Variants in PHLDB2 observed in about 807,000 individuals in gnomAD.
PHLDB2 encodes the protein pleckstrin homology like domain family B member 2.
A neutral mutation model predicts 123.6 loss-of-function variants in PHLDB2; 71 were observed. The observed-to-expected ratio is 0.57, with a 90% CI of 0.47 to 0.70. The LOEUF is 0.70. Ranked by LOEUF, PHLDB2 falls within the 30% of genes least tolerant of loss-of-function variation. The pLI, the probability that PHLDB2 is intolerant of heterozygous loss-of-function variation, is 0.00. For synonymous variants in PHLDB2, 547 were observed against 541.6 expected, an observed-to-expected ratio of 1.01 and a Z score of -0.14; for missense variants, 1,446 against 1,519.5, an observed-to-expected ratio of 0.95 and a Z score of 0.80.
rs548855870 is a variant in PHLDB2, at chr3:111,901,521, A to G, written c.1336-11798A>G. On this transcript the variant is annotated intron_variant, in intron 2 of 17. Coordinates refer to ENST00000431670, the MANE Select transcript of PHLDB2 (RefSeq NM_001134438.2). ...CTGGTTTCTTTATGCATTAAAAAAA[A>G]TCTTATTTTTTAAAGGATAGGATAT... 3.5e-3 allele frequency among the ~76,000 whole-genome samples: 424 copies of G among 119,610 alleles called. 3 individuals carry two copies. The highest frequency in any genetic ancestry group is 0.012 in the African/African-American group (418 of 36,316). 78.5% of individuals were successfully genotyped at this position (119,610 alleles called of 152,430 possible).
intron 12 of PHLDB2, among the ~76,000 whole-genome samples, chr3:111,955,199 C>T (rs1278446732): frequency 6.8e-6 from 1 of 147,722 alleles, no homozygotes; most frequent in Non-Finnish European, 1.5e-5. Context: ...TTACTAAAGG[C>T]GATTTAAAAA....
chr3:111,884,664 C>A lies in PHLDB2; in HGVS notation c.587C>A (p.Ser196Ter), dbSNP rs746275580. Reference protein sequence around the residue: ...SDAGPPPISRSGAASMPSSPK... With the variant: ...SDAGPPPISR ...GCTGGCCCGCCTCCTATCAGCAGAT[C>A]GGGAGCCGCAAGCATGCCTTCAAGC... The change falls in exon 2 of 18, where the codon TCG becomes TAG. Residue 196 changes from serine (S) to a stop codon, truncating the protein, a stop_gained. Coordinates refer to ENST00000431670, the MANE Select transcript of PHLDB2 (RefSeq NM_001134438.2). LOFTEE classifies it high-confidence loss of function. The A allele has an allele frequency of 3.1e-6, 5 of 1,613,966 alleles. No individual in the cohort carries two copies. Among genetic ancestry groups the A allele is most frequent in the Non-Finnish European group, 4.2e-6 (5 of 1,180,030 alleles).
chr3:111,765,714 T>C (rs571519932), intron 1 of PHLDB2, among the ~76,000 whole-genome samples: 2 of 152,286 alleles, frequency 1.3e-5, no homozygotes, highest in African/African-American at 4.8e-5. Flanking sequence ...ACATCAGGGC[T>C]TGAAGTGAAG....
chr3:111,836,287 A>G (rs1435693011), intron 1 of PHLDB2, among the ~76,000 whole-genome samples: 1 of 152,204 alleles, frequency 6.6e-6, no homozygotes, highest in Non-Finnish European at 1.5e-5. Context: ...GTTCACCTTT[A>G]AGTCCCCAAC....
chr3:111,953,994 T>G lies in PHLDB2; in HGVS notation c.2837T>G (p.Met946Arg). Residue 946 changes from methionine (M) to arginine (R), a missense_variant, in exon 12 of 18, where the codon ATG becomes AGG. This residue lies in a region of PHLDB2 where 594 missense variants were observed against 646.0 expected (regional missense o/e 0.92). Transcript: ENST00000431670. Reference protein sequence around the residue: ...GSVLPPSLAAMAKDSESRRML... With the variant: ...GSVLPPSLAARAKDSESRRML... The stretch of plus-strand genomic sequence containing the variant: ...GTGCTCCCTCCCTCACTGGCAGCCA[T>G]GGCCAAAGACTCAGAATCTCGGAGG... The G allele has an allele frequency of 6.2e-7, 1 of 1,613,658 alleles. No homozygotes were observed. The highest frequency in any genetic ancestry group is 8.5e-7 in the Non-Finnish European group (1 of 1,179,766).
chr3:111,806,037 G>A (rs2061572475), intron 1 of PHLDB2, among the ~76,000 whole-genome samples: 1 of 151,262 alleles, frequency 6.6e-6, no homozygotes, highest in Admixed American at 6.6e-5. Context: ...TAAAAAAACA[G>A]GTCAAAATGT....
At chr3:111,933,431 C>T (rs1007186375) in intron 6 of PHLDB2, among the ~76,000 whole-genome samples, 10 of 152,250 alleles carry the variant, frequency 6.6e-5, no homozygotes, top group Non-Finnish European at 1.0e-4. Context: ...CCTCTGAGAA[C>T]GTCACTAGGT....
rs547450913 is a variant in PHLDB2 at position 111,911,533 on chromosome 3, C to CT, written c.1336-1785dup. ...AGGCTATGTCCCCCCTGCTTCCTCC[C>CT]TATAAAGCTGAGGTGGGCAGGGCTT... On this transcript the variant is annotated intron_variant, in intron 2 of 17. Coordinates refer to ENST00000431670, the MANE Select transcript of PHLDB2 (RefSeq NM_001134438.2). 2,778 of 1,225,186 alleles carry CT rather than the reference C, an allele frequency of 2.3e-3. 4 individuals are homozygous for CT. Among genetic ancestry groups the CT allele is most frequent in the Non-Finnish European group, 2.9e-3 (2,540 of 868,978 alleles). The allele number at this position is 1,225,186 out of a possible 1,614,324, so 75.9% of individuals were successfully genotyped here.
intron 1 of PHLDB2, among the ~76,000 whole-genome samples, chr3:111,831,804 G>C (rs1005379754): frequency 6.6e-6 from 1 of 152,060 alleles, no homozygotes; most frequent in East Asian, 1.9e-4. Context: ...GTTTAAGGTG[G>C]GAATAGGCAA....
chr3:111,754,549 G>T (rs2059848211), intron 1 of PHLDB2, among the ~76,000 whole-genome samples: 1 of 113,756 alleles, frequency 8.8e-6, no homozygotes. Context: ...GGAGATTTTG[G>T]GCTGAGACAA....
intron 5 of PHLDB2, among the ~76,000 whole-genome samples, chr3:111,930,078 AT>A (rs757234108): frequency 4.1e-3 from 577 of 140,546 alleles, no homozygotes; most frequent in Non-Finnish European, 3.7e-3. Context: ...TGCCCAGCTA[AT>A]TTTTTTTTTT....
At chr3:111,769,995 G>A (rs764014687) in intron 1 of PHLDB2, among the ~76,000 whole-genome samples, 38 of 152,284 alleles carry the variant, frequency 2.5e-4, no homozygotes, top group Middle Eastern at 6.8e-3. Context: ...ACTTTTTAGC[G>A]TCTCAGATAA....
At chr3:111,832,777 A>G (rs867253451) in intron 1 of PHLDB2, among the ~76,000 whole-genome samples, 3 of 24,290 alleles carry the variant, frequency 1.2e-4, no homozygotes, top group Admixed American at 7.9e-4. Context: ...TATATATAAT[A>G]GAATTATACA....
intron 17 of PHLDB2, among the ~76,000 whole-genome samples, chr3:111,974,191 C>A (rs1330302020): frequency 2.0e-5 from 3 of 152,152 alleles, no homozygotes; most frequent in Non-Finnish European, 4.4e-5. Context: ...TAGAGCTTTA[C>A]AAACTAGCTG....
At chr3:111,827,737 G>T (rs964270828) in intron 1 of PHLDB2, among the ~76,000 whole-genome samples, 1 of 150,356 alleles carries the variant, frequency 6.7e-6, no homozygotes, top group Non-Finnish European at 1.5e-5. Context: ...GAGCAACTCG[G>T]TTCAGACTGT....
intron 12 of PHLDB2, chr3:111,957,472 T>G (rs1182705752): frequency 6.6e-6 from 1 of 152,360 alleles, no homozygotes; most frequent in Non-Finnish European, 1.5e-5. Context: ...ATGACCCTCT[T>G]TGTTTTGGCT....
At chr3:111,928,727 A>G (rs1052358279) in intron 5 of PHLDB2, among the ~76,000 whole-genome samples, 5 of 152,234 alleles carry the variant, frequency 3.3e-5, no homozygotes, top group South Asian at 2.1e-4. Context: ...GTGGAACTCT[A>G]GAAACGTCAG....
chr3:111,836,486 G>A (rs1475990529), intron 1 of PHLDB2, among the ~76,000 whole-genome samples: 2 of 152,180 alleles, frequency 1.3e-5, no homozygotes, highest in African/African-American at 4.8e-5. Context: ...AGTTAGGGAT[G>A]TAGATCTGTA....
intron 1 of PHLDB2, among the ~76,000 whole-genome samples, chr3:111,840,706 C>T (rs915715918): frequency 6.6e-6 from 1 of 152,188 alleles, no homozygotes; most frequent in Non-Finnish European, 1.5e-5. Context: ...AGTTATTCCT[C>T]CTCTTCTGCC....
Sources: gnomAD v4.1 joint callset for allele counts (sites outside exome capture counted in the v4.1 genomes callset) on GRCh38, gnomAD v4.1.1 for gene constraint, gnomAD v4.1.1 regional missense constraint, MANE v1.5 for transcripts, NCBI Gene and HGNC (gene_info 2026-07-23, HGNC 2026-07-21) for gene names.